RCSD1: variants seen among roughly 807,000 people sequenced by gnomAD.
The protein encoded by RCSD1 is RCSD domain containing 1.
RCSD1 carries 26 observed loss-of-function variants against 42.5 expected under a neutral mutation model. That is an observed-to-expected ratio of 0.61 (90% CI 0.45 to 0.85). The LOEUF (loss-of-function observed/expected upper bound fraction) is 0.85, where lower values mean the gene tolerates loss of function less well. Among genes scored for constraint, RCSD1 ranks in the 40% least tolerant of loss-of-function variants. RCSD1 has a pLI of 0.00. For missense variants in RCSD1, 571 were observed against 528.3 expected, an observed-to-expected ratio of 1.08 and a Z score of -0.79; for synonymous variants, 220 against 212.2, an observed-to-expected ratio of 1.04 and a Z score of -0.32.
chr1:167,688,086 T>A (rs1156394859), intron 3 of RCSD1, among the ~76,000 whole-genome samples: 1 of 152,190 alleles, frequency 6.6e-6, no homozygotes, highest in African/African-American at 2.4e-5. Flanking sequence ...TGTTAAACCG[T>A]AAGGGAAATG....
At position 167,697,440 on chromosome 1, in the gene RCSD1, C is replaced by T. The variant is rs368693370; in HGVS notation, c.816C>T (p.Asp272=). 1.2e-5 allele frequency: 20 copies of T among 1,611,852 alleles called. No homozygotes were observed. In the East Asian group the frequency reaches 1.3e-4, roughly 11 times the overall value. ...EKARRSSEEV[D]GQHPAQEEVP... ...CCAGGCGGAGTTCAGAGGAGGTGGA[C>T]GGCCAGCACCCGGCCCAAGAGGAGG... The change falls in exon 6 of 7, where the codon GAC becomes GAT. Residue 272 remains aspartate, a synonymous_variant. Transcript: ENST00000367854.
chr1:167,659,938 C>G (rs1344475294), intron 1 of RCSD1, among the ~76,000 whole-genome samples: 1 of 152,198 alleles, frequency 6.6e-6, no homozygotes, highest in Non-Finnish European at 1.5e-5. Context: ...TGAACGCTCT[C>G]TCCAAAAGGA....
intron 1 of RCSD1, among the ~76,000 whole-genome samples, chr1:167,683,296 G>A (rs1659129625): frequency 6.6e-6 from 1 of 152,218 alleles, no homozygotes; most frequent in Admixed American, 6.5e-5. Context: ...AGCCATCCTT[G>A]TCAAGGCACA....
intron 1 of RCSD1, among the ~76,000 whole-genome samples, chr1:167,638,872 A>G (rs1229389): frequency 0.71 from 107,630 of 152,096 alleles, 38,226 homozygotes; most frequent in East Asian, 0.85. Context: ...GAACATAAGC[A>G]ATTTACCAAT....
At chr1:167,637,081 C>T (rs1657878739) in intron 1 of RCSD1, among the ~76,000 whole-genome samples, 1 of 152,142 alleles carries the variant, frequency 6.6e-6, no homozygotes, top group Admixed American at 6.5e-5. Flanking sequence ...GAGCATCAGC[C>T]TGGGGCTCAG....
In RCSD1 at chr1:167,631,373, T is replaced by A. The variant is rs1207146100; in HGVS notation, c.6+944T>A. Among the ~76,000 whole-genome samples the A allele has an allele frequency of 2.0e-5, 3 of 152,266 alleles. No individual in the cohort carries two copies. The South Asian group carries it at 6.2e-4, about 31-fold the overall frequency. ...GTTTTAAAGGTGATTCCCACTCATA[T>A]TCAAAAGGAAACATGTGTTGCTCAC... On this transcript the variant is annotated intron_variant, in intron 1 of 6. Coordinates refer to ENST00000367854, the MANE Select transcript of RCSD1 (RefSeq NM_052862.4).
Position 167,707,527 on chromosome 1 carries a change from A to T in RCSD1, c.*2831A>T, listed in dbSNP as rs1659785285. ...AAACCTAAATACAGTCACCCAAGTG[A>T]TGTCAGGAATCTCTCATGGTATTGG... On this transcript the variant is annotated 3_prime_UTR_variant, in exon 7 of 7. Coordinates refer to ENST00000367854, the MANE Select transcript of RCSD1 (RefSeq NM_052862.4). Among the ~76,000 whole-genome samples the T allele has an allele frequency of 6.6e-6, 1 of 152,138 alleles. No individual in the cohort carries two copies. The highest frequency in any genetic ancestry group is 6.5e-5 in the Admixed American group (1 of 15,278).
At chr1:167,685,541 C>T (rs1558089431) in intron 3 of RCSD1, 31 bp downstream of exon 3, 1 of 1,574,148 alleles carries the variant, frequency 6.4e-7, no homozygotes, top group Admixed American at 1.7e-5. Context: ...TCAGAGGATG[C>T]TGTGATGGGT....
chr1:167,698,281 T>A (rs926006450), intron 6 of RCSD1, among the ~76,000 whole-genome samples: 1 of 152,206 alleles, frequency 6.6e-6, no homozygotes, highest in Admixed American at 6.5e-5. Context: ...CTCTTTCATG[T>A]GCATGAACAA....
intron 4 of RCSD1, among the ~76,000 whole-genome samples, chr1:167,691,576 C>T (rs1475899358): frequency 6.6e-6 from 1 of 152,232 alleles, no homozygotes; most frequent in Admixed American, 6.5e-5. Context: ...CCCATCCAGG[C>T]CCAACTGAGA....
intron 6 of RCSD1, among the ~76,000 whole-genome samples, chr1:167,701,965 C>A (rs1659655647): frequency 6.6e-6 from 1 of 152,206 alleles, no homozygotes; most frequent in African/African-American, 2.4e-5. Context: ...CACCTCTAAG[C>A]AGTTTTCTAA....
intron 1 of RCSD1, among the ~76,000 whole-genome samples, chr1:167,675,406 A>G (rs1658926305): frequency 6.6e-6 from 1 of 152,110 alleles, no homozygotes; most frequent in Non-Finnish European, 1.5e-5. Flanking sequence ...TAAAACCATC[A>G]GATTTCATGA....
chr1:167,675,357 C>T (rs1044296423), intron 1 of RCSD1, among the ~76,000 whole-genome samples: 5 of 151,974 alleles, frequency 3.3e-5, no homozygotes, highest in Admixed American at 2.0e-4. Flanking sequence ...GCCTACATGG[C>T]GGCAGGCAAG....
At chr1:167,640,943 G>A (rs899993688) in intron 1 of RCSD1, among the ~76,000 whole-genome samples, 16 of 152,174 alleles carry the variant, frequency 1.1e-4, no homozygotes, top group Admixed American at 1.0e-3. Flanking sequence ...GGGGATTGGA[G>A]GAGTGAATCC....
In RCSD1 at chr1:167,697,452, G is replaced by C; in HGVS notation, c.828G>C (p.Pro276=). 1 of 1,611,494 alleles carries C rather than the reference G, an allele frequency of 6.2e-7. No individual in the cohort carries two copies. The highest frequency in any genetic ancestry group is 8.5e-7 in the Non-Finnish European group (1 of 1,178,888). ...RSSEEVDGQH[P]AQEEVPESPQ... Reference sequence around the variant, plus strand: ...CAGAGGAGGTGGACGGCCAGCACCCGGCCCAAGAGGAGGTCCCGGAATCGC... The same window carrying C: ...CAGAGGAGGTGGACGGCCAGCACCCCGCCCAAGAGGAGGTCCCGGAATCGC... Residue 276 remains proline (P), a synonymous_variant, in exon 6 of 7, where the codon CCG becomes CCC. Coordinates refer to ENST00000367854, the MANE Select transcript of RCSD1 (RefSeq NM_052862.4).
chr1:167,643,326 T>C (rs141550108), intron 1 of RCSD1, among the ~76,000 whole-genome samples: 19 of 152,300 alleles, frequency 1.2e-4, no homozygotes, highest in South Asian at 4.1e-4. Flanking sequence ...GAGGGTGACA[T>C]TGGTGCACAT....
chr1:167,632,806 C>CA (rs1049630762), intron 1 of RCSD1, among the ~76,000 whole-genome samples: 3 of 151,554 alleles, frequency 2.0e-5, no homozygotes, highest in East Asian at 1.9e-4. Flanking sequence ...AACAAACAAA[C>CA]AAAAAAACAA....
At chr1:167,686,279 A>C (rs1179181838) in intron 3 of RCSD1, among the ~76,000 whole-genome samples, 2 of 152,182 alleles carry the variant, frequency 1.3e-5, no homozygotes, top group African/African-American at 2.4e-5. Flanking sequence ...AGCAAGCCAA[A>C]GACAATGTCA....
chr1:167,699,223 C>T (rs554986944), intron 6 of RCSD1, among the ~76,000 whole-genome samples: 294 of 152,162 alleles, frequency 1.9e-3, no homozygotes, highest in Non-Finnish European at 3.1e-3. Context: ...AAATTATTCG[C>T]CTCTTGTATC....
Sources: allele counts gnomAD v4.1 joint callset (sites outside exome capture counted in the v4.1 genomes callset), GRCh38; gene constraint gnomAD v4.1.1; transcripts MANE v1.5; gene names NCBI Gene and HGNC (gene_info 2026-07-23, HGNC 2026-07-21).